The following FOXN3 variants were observed in gnomAD, a reference collection of about 807,000 sequenced individuals.
The protein encoded by FOXN3 is forkhead box N3, also known as forkhead box protein N3.
FOXN3 carries 7 observed loss-of-function variants against 38.4 expected under a neutral mutation model. The observed-to-expected ratio is 0.18, with a 90% CI of 0.10 to 0.34. FOXN3 has a LOEUF of 0.34. FOXN3 is among the 10% of genes least tolerant of loss of function. The pLI, the probability that FOXN3 is intolerant of heterozygous loss-of-function variation, is 1.00. For missense variants in FOXN3, 456 were observed against 613.4 expected, an observed-to-expected ratio of 0.74 and a Z score of 2.71; for synonymous variants, 230 against 242.2, an observed-to-expected ratio of 0.95 and a Z score of 0.47.
chr14:89,300,185 T>TA (rs1270061784), intron 3 of FOXN3, among the ~76,000 whole-genome samples: 4 of 149,546 alleles, frequency 2.7e-5, no homozygotes, highest in Admixed American at 2.7e-4. Context: ...ATGTACTTTT[T>TA]TTTTTTTTTT....
chr14:89,560,036 C>G (rs1895214852), intron 1 of FOXN3, among the ~76,000 whole-genome samples: 1 of 152,156 alleles, frequency 6.6e-6, no homozygotes, highest in South Asian at 2.1e-4. Flanking sequence ...CTCAGTTTGA[C>G]AGGCTGAACA....
intron 1 of FOXN3, among the ~76,000 whole-genome samples, chr14:89,445,225 G>A (rs536750586): frequency 6.6e-6 from 1 of 152,180 alleles, no homozygotes; most frequent in African/African-American, 2.4e-5. Context: ...GGGTATACCC[G>A]ACTTCTGAAC....
At chr14:89,197,986 G>A (rs1888140416) in intron 4 of FOXN3, among the ~76,000 whole-genome samples, 1 of 152,046 alleles carries the variant, frequency 6.6e-6, no homozygotes, top group Non-Finnish European at 1.5e-5. Flanking sequence ...ACACAACTGG[G>A]GCATTAATTA....
At chr14:89,387,298 G>T (rs568378710) in intron 2 of FOXN3, among the ~76,000 whole-genome samples, 2 of 152,172 alleles carry the variant, frequency 1.3e-5, no homozygotes, top group East Asian at 3.9e-4. Flanking sequence ...AACCAATTAG[G>T]GGGGAGACAC....
At position 89,511,237 on chromosome 14, in the gene FOXN3, CTTTTCTTTCTTTTCT is replaced by C. The variant is rs1566681191; in HGVS notation, c.-14-98762_-14-98748del. Among the ~76,000 whole-genome samples, 172 of 25,752 alleles carry C rather than the reference CTTTTCTTTCTTTTCT, an allele frequency of 6.7e-3. 54 individuals carry two copies. The highest frequency in any genetic ancestry group is 0.011 in the Admixed American group (18 of 1,666). The allele number at this position is 25,752 out of a possible 152,430, so 16.9% of individuals were successfully genotyped here. On this transcript the variant is annotated intron_variant, in intron 1 of 6. Transcript: ENST00000345097. ...TTTCTTTCTTTCTTTCTTTTCTTTC[CTTTTCTTTCTTTTCT>C]TTCTTTCTTTCTTTCTTTCTTTCTT...
At chr14:89,554,434 C>A (rs1481411741) in intron 1 of FOXN3, among the ~76,000 whole-genome samples, 3 of 152,244 alleles carry the variant, frequency 2.0e-5, no homozygotes, top group African/African-American at 7.2e-5. Context: ...CCACACACGG[C>A]CTCTTTCTTT....
intron 1 of FOXN3, among the ~76,000 whole-genome samples, chr14:89,527,203 C>T (rs975899182): frequency 1.3e-5 from 2 of 152,102 alleles, no homozygotes; most frequent in Non-Finnish European, 2.9e-5. Context: ...AACAGAACTT[C>T]AGTACATATC....
chr14:89,442,217 C>T (rs992843991), intron 1 of FOXN3, among the ~76,000 whole-genome samples: 7 of 152,148 alleles, frequency 4.6e-5, no homozygotes, highest in Non-Finnish European at 1.0e-4. Context: ...TGAGCCACCG[C>T]GCCCGGGTGA....
At chr14:89,423,901 G>A (rs576427153) in intron 1 of FOXN3, among the ~76,000 whole-genome samples, 2 of 152,304 alleles carry the variant, frequency 1.3e-5, no homozygotes, top group East Asian at 1.9e-4. Context: ...TCCTATAAGA[G>A]AGTTAACTTC....
chr14:89,541,549 T>TC (rs1164541517), intron 1 of FOXN3, among the ~76,000 whole-genome samples: 2 of 151,868 alleles, frequency 1.3e-5, no homozygotes, highest in African/African-American at 4.8e-5. Flanking sequence ...GCATGAATAA[T>TC]CCCCCCCTTG....
rs563773278 is a variant in FOXN3, at chr14:89,455,815, G to A, written c.-14-43325C>T. Among the ~76,000 whole-genome samples the A allele has an allele frequency of 1.9e-4, 29 of 152,222 alleles. No individual in the cohort carries two copies. In the South Asian group the frequency reaches 5.2e-3, roughly 27 times the overall value. On this transcript the variant is annotated intron_variant, in intron 1 of 6. Coordinates refer to the FOXN3 transcript ENST00000345097. The stretch of plus-strand genomic sequence containing the variant: ...AATGGCCCATTCTAGATCTCCTACC[G>A]TAATTGTACTTGCCTGTTAATAAAT...
chr14:89,251,244 T>C (rs996054177), intron 4 of FOXN3, among the ~76,000 whole-genome samples: 27 of 152,202 alleles, frequency 1.8e-4, no homozygotes, highest in African/African-American at 6.0e-4. Flanking sequence ...AGACGCCTCC[T>C]ACAGCCACAG....
intron 1 of FOXN3, among the ~76,000 whole-genome samples, chr14:89,526,752 C>G (rs1332313557): frequency 6.6e-6 from 1 of 151,982 alleles, no homozygotes; most frequent in Admixed American, 6.6e-5. Context: ...AGCTGACTGA[C>G]AATTCATATG....
intron 1 of FOXN3, among the ~76,000 whole-genome samples, chr14:89,448,280 C>T (rs1892549146): frequency 6.6e-6 from 1 of 152,150 alleles, no homozygotes; most frequent in Non-Finnish European, 1.5e-5. Context: ...TCCCGCCCCA[C>T]GCCCACACAC....
At chr14:89,258,414 TGATGATGAC>T (rs1555413430) in intron 4 of FOXN3, among the ~76,000 whole-genome samples, 3 of 152,208 alleles carry the variant, frequency 2.0e-5, no homozygotes, top group Non-Finnish European at 1.5e-5. Flanking sequence ...AGGGAGATGA[TGATGATGAC>T]GATGATGATG....
At chr14:89,216,815 C>T (rs1884298147) in intron 4 of FOXN3, among the ~76,000 whole-genome samples, 2 of 152,318 alleles carry the variant, frequency 1.3e-5, no homozygotes, top group South Asian at 4.1e-4. Flanking sequence ...ATCCACCTTC[C>T]ACAATCCACA....
chr14:89,401,531 C>T (rs1237226191), intron 2 of FOXN3: 8 of 453,840 alleles, frequency 1.8e-5, no homozygotes, highest in East Asian at 6.9e-5. Flanking sequence ...GCACACAGTG[C>T]GGTATTCCAG....
intron 2 of FOXN3, among the ~76,000 whole-genome samples, chr14:89,366,280 T>TATAG (rs1890145606): frequency 6.6e-6 from 1 of 151,886 alleles, no homozygotes. Flanking sequence ...AAAACTTTAT[T>TATAG]ATAGAAAAAA....
intron 1 of FOXN3, among the ~76,000 whole-genome samples, chr14:89,552,134 G>A (rs1317254148): frequency 1.3e-5 from 2 of 152,152 alleles, no homozygotes; most frequent in East Asian, 1.9e-4. Flanking sequence ...AAAAGCGCAC[G>A]GTTGCTTCCA....
Sources: allele counts gnomAD v4.1 joint callset (sites outside exome capture counted in the v4.1 genomes callset), GRCh38; gene constraint gnomAD v4.1.1; transcripts MANE v1.5; gene names NCBI Gene and HGNC (gene_info 2026-07-23, HGNC 2026-07-21).